Variants in SPTBN5 observed in about 807,000 individuals in gnomAD.
The protein encoded by SPTBN5 is spectrin beta, non-erythrocytic 5, also known as spectrin beta chain, non-erythrocytic 5.
In SPTBN5, 513 loss-of-function variants were observed where a neutral mutation model predicts 477.6. The ratio of observed to expected loss-of-function variants is 1.07; its 90% CI spans 1.00 to 1.16. The LOEUF is 1.16. SPTBN5 is among the 50% of genes most tolerant of loss of function. The pLI, the probability that SPTBN5 is intolerant of heterozygous loss-of-function variation, is 0.00. For missense variants in SPTBN5, 5,062 were observed against 4,731.8 expected, an observed-to-expected ratio of 1.07 and a Z score of -2.05; for synonymous variants, 2,169 against 2,011.7, an observed-to-expected ratio of 1.08 and a Z score of -2.09.
In SPTBN5 at chr15:41,851,133, G is replaced by C. The variant is rs758056132; in HGVS notation, c.10761C>G (p.Ala3587=). The C allele has an allele frequency of 6.2e-7, 1 of 1,613,206 alleles. No homozygotes were observed. Among genetic ancestry groups the C allele is most frequent in the Non-Finnish European group, 8.5e-7 (1 of 1,179,788 alleles). The change falls in exon 65 of 68, where the codon GCC becomes GCG. Residue 3587 remains alanine (A), a synonymous_variant. Coordinates refer to ENST00000320955, the MANE Select transcript of SPTBN5 (RefSeq NM_016642.4). Reference sequence around the variant, plus strand: ...ACCGGGCTCCCGTGAGGTCAAGGAGGGCTATGGAAGCTACTTTCTGAGGAG... The same window carrying C: ...ACCGGGCTCCCGTGAGGTCAAGGAGCGCTATGGAAGCTACTTTCTGAGGAG... ...RMAAEKVASI[A]LLDLTGARCE...
intron 67 of SPTBN5, among the ~76,000 whole-genome samples, chr15:41,848,968 A>AAATC (rs1306336674): frequency 1.3e-5 from 2 of 152,098 alleles, no homozygotes; most frequent in African/African-American, 2.4e-5. Context: ...CACATCATCT[A>AAATC]AATCATATAT....
chr15:41,873,486 T>C lies in SPTBN5; in HGVS notation c.5007+6A>G, dbSNP rs1449154460. ...CACACTGCAGGGGAGGCTCAGGACG[T>C]GGTACCTGGTGCTTGTTAATGAGCC... On this transcript the variant is annotated splice_donor_region_variant and intron_variant, in intron 26 of 67. Coordinates refer to ENST00000320955, the MANE Select transcript of SPTBN5 (RefSeq NM_016642.4). 5 of 1,547,890 alleles carry C rather than the reference T, an allele frequency of 3.2e-6. No individual in the cohort carries two copies. The highest frequency in any genetic ancestry group is 1.4e-5 in the African/African-American group (1 of 72,940).
Position 41,853,600 on chromosome 15 carries a change from C to T in SPTBN5, c.9962G>A (p.Gly3321Glu). ...AQAAQGHAFL[G>E]RCQELLAWAQ... The stretch of plus-strand genomic sequence containing the variant: ...CACCTACAGCAGTTCCTGGCAGCGC[C>T]CGAGGAAGGCATGGCCCTGTGCAGC... The change falls in exon 58 of 68, where the codon GGG (glycine) becomes GAG (glutamate). Residue 3321 changes from glycine (G) to glutamate (E), a missense_variant. By Grantham distance (98) the Gly-to-Glu change is moderately conservative (BLOSUM62 -2). Transcript: ENST00000320955. 6.3e-7 allele frequency: 1 copy of T among 1,578,056 alleles called. No homozygotes were observed. The highest frequency in any genetic ancestry group is 8.6e-7 in the Non-Finnish European group (1 of 1,159,564).
chr15:41,853,695 C>CA lies in SPTBN5; in HGVS notation c.9866dup (p.Ala3290GlyfsTer55), dbSNP rs2065848075. 6.2e-7 allele frequency: 1 copy of CA among 1,600,560 alleles called. No individual in the cohort carries two copies. Among genetic ancestry groups the CA allele is most frequent in the Admixed American group, 1.7e-5 (1 of 58,824 alleles). On this transcript the variant is annotated frameshift_variant, in exon 58 of 68. Transcript: ENST00000320955. LOFTEE classifies it high-confidence loss of function. Reference sequence around the variant, plus strand: ...TGGCCCAGGCCTCCTGCACCTTGGCCAGGCCCCCCGGAGCTGCAGGATGTA... The same window carrying CA: ...TGGCCCAGGCCTCCTGCACCTTGGCCAAGGCCCCCCGGAGCTGCAGGATGTA...
At position 41,883,455 on chromosome 15, in the gene SPTBN5, GC is replaced by G; in HGVS notation, c.1551del (p.Arg517SerfsTer20). The G allele has an allele frequency of 6.2e-7, 1 of 1,613,928 alleles. No individual in the cohort carries two copies. The highest frequency in any genetic ancestry group is 8.5e-7 in the Non-Finnish European group (1 of 1,179,864). ...RQEEVTVRWQ[R>X]LLQHLQGQRK... is the part of the protein sequence containing the mutation. ...CTCTGTCCCTGTAGATGCTGAAGGA[GC>G]CTCTGCCAGCGCACGGTAACTTCCT... On this transcript the variant is annotated frameshift_variant, in exon 8 of 68. Transcript: ENST00000320955. LOFTEE classifies it high-confidence loss of function.
At position 41,852,861 on chromosome 15, in the gene SPTBN5, G is replaced by A. The variant is rs1270290421; in HGVS notation, c.10310C>T (p.Ala3437Val). ...CTTCAGCAGGAGTCCCTCCCAGCAG[G>A]CCAGCCAGGCCTCAGCCTGCTCCAG... The part of the protein sequence containing the change: ...QRLEQAEAWL[A>V]CWEGLLLKPD... Residue 3437 changes from alanine to valine, a missense_variant, in exon 60 of 68, where the codon GCC (alanine) becomes GTC (valine). By Grantham distance (64) the Ala-to-Val change is moderately conservative. Coordinates refer to ENST00000320955, the MANE Select transcript of SPTBN5 (RefSeq NM_016642.4). 6.2e-7 allele frequency: 1 copy of A among 1,607,446 alleles called. No homozygotes were observed. The highest frequency in any genetic ancestry group is 8.5e-7 in the Non-Finnish European group (1 of 1,176,202).
chr15:41,880,458 G>A, intron 13 of SPTBN5, 146 bp from the exon 14 acceptor site: 1 of 851,466 alleles, frequency 1.2e-6, no homozygotes, highest in Non-Finnish European at 1.8e-6. Flanking sequence ...TCACTGCTGG[G>A]CCCCACATCC....
chr15:41,867,794 T>G (rs1456829666), intron 34 of SPTBN5, among the ~76,000 whole-genome samples, 152 bp from the exon 35 acceptor site: 3 of 152,150 alleles, frequency 2.0e-5, no homozygotes, highest in Admixed American at 6.5e-5. Flanking sequence ...GAGTCCAGGT[T>G]GGGAGGCTGC....
Position 41,863,963 on chromosome 15 carries a change from C to T in SPTBN5, c.6980G>A (p.Arg2327Gln), listed in dbSNP as rs774143270. Reference sequence around the variant, plus strand: ...GATGATCTTGACTTCCTCAGGGTCCCGGTTCTTGAGCTGCAGTGACAAGTC... The same window carrying T: ...GATGATCTTGACTTCCTCAGGGTCCTGGTTCTTGAGCTGCAGTGACAAGTC... ...ISDLSLQLKN[R>Q]DPEEVKIICQ... Residue 2327 changes from arginine (R) to glutamine (Q), a missense_variant, in exon 40 of 68, where the codon CGG becomes CAG. Coordinates refer to ENST00000320955, the MANE Select transcript of SPTBN5 (RefSeq NM_016642.4). 57 of 1,613,720 alleles carry T rather than the reference C, an allele frequency of 3.5e-5. No homozygotes were observed. The Admixed American group carries it at 7.3e-4, about 21-fold the overall frequency.
chr15:41,850,788 A>AGGGGCCCAGGAGCTT (rs1469476324), intron 66 of SPTBN5, 66 bp downstream of exon 66: 37 of 1,378,098 alleles, frequency 2.7e-5, no homozygotes, highest in East Asian at 1.3e-4. Flanking sequence ...ATAAAACACT[A>AGGGGCCCAGGAGCTT]GGGGCCCAGG....
chr15:41,870,815 A>G (rs865776202), intron 29 of SPTBN5, among the ~76,000 whole-genome samples: 4 of 151,874 alleles, frequency 2.6e-5, no homozygotes, highest in African/African-American at 9.7e-5. Context: ...GTGCTGTGAT[A>G]CTCTTTACAT....
In SPTBN5 at chr15:41,853,312, G is replaced by A. The variant is rs745723002; in HGVS notation, c.10116C>T (p.Asp3372=). Residue 3372 remains aspartate (D), a synonymous_variant, in exon 59 of 68, where the codon GAC becomes GAT. Coordinates refer to ENST00000320955, the MANE Select transcript of SPTBN5 (RefSeq NM_016642.4). ...EIRECRLQAQ[D]LRQEGQQLVD... ...CCAGCTGCTGTCCTTCCTGCCGCAG[G>A]TCCTGGGCTTGAAGGCGGCACTCCC... The A allele has an allele frequency of 6.1e-5, 98 of 1,612,638 alleles. No homozygotes were observed. Among genetic ancestry groups the A allele is most frequent in the Non-Finnish European group, 7.6e-5 (90 of 1,179,408 alleles).
intron 56 of SPTBN5, 24 bp from the exon 57 acceptor site, chr15:41,854,229 T>C: frequency 6.3e-7 from 1 of 1,578,452 alleles, no homozygotes; most frequent in South Asian, 1.2e-5. Flanking sequence ...AAGGACCTGC[T>C]CAGGGCTGTT....
intron 7 of SPTBN5, among the ~76,000 whole-genome samples, chr15:41,884,672 C>T (rs2067089511): frequency 6.6e-6 from 1 of 152,134 alleles, no homozygotes; most frequent in African/African-American, 2.4e-5. Context: ...TCCAGCCCTC[C>T]ACTGATTTCC....
intron 13 of SPTBN5, among the ~76,000 whole-genome samples, chr15:41,880,632 C>A (rs887149949): frequency 6.6e-6 from 1 of 152,154 alleles, no homozygotes; most frequent in Non-Finnish European, 1.5e-5. Context: ...GCCTGCTCCA[C>A]CCCCACCTGC....
rs552517396 is a variant in SPTBN5 at position 41,866,429 on chromosome 15, C to T, written c.6545G>A (p.Arg2182Lys). 6.2e-6 allele frequency: 10 copies of T among 1,611,098 alleles called. No individual in the cohort carries two copies. The South Asian group carries it at 1.1e-4, about 18-fold the overall frequency. ...TTTCAGCAGGGGCTTCAGCTTATCT[C>T]TCAGGTCCCCAGGAGGGACCGGCTC... is the stretch of plus-strand genomic sequence containing the variant. ...LKEPVPPGDLRDKLKPLLKHQ... is the reference protein window; with the variant it reads ...LKEPVPPGDLKDKLKPLLKHQ... Residue 2182 changes from arginine to lysine, a missense_variant, in exon 37 of 68, where the codon AGA (arginine) becomes AAA (lysine). By Grantham distance (26) the Arg-to-Lys change is conservative. Coordinates refer to ENST00000320955, the MANE Select transcript of SPTBN5 (RefSeq NM_016642.4).
At position 41,860,641 on chromosome 15, in the gene SPTBN5, C is replaced by T. The variant is rs751931110; in HGVS notation, c.7933G>A (p.Gly2645Ser). 1.3e-6 allele frequency: 2 copies of T among 1,542,724 alleles called. No individual in the cohort carries two copies. Among genetic ancestry groups the T allele is most frequent in the South Asian group, 1.2e-5 (1 of 81,548 alleles). Reference sequence around the variant, plus strand: ...GCACTCTGGGCCTCGGGGTGCCCACCCTGGTGCAGGCCGCGGGCCGTGGCC... The same window carrying T: ...GCACTCTGGGCCTCGGGGTGCCCACTCTGGTGCAGGCCGCGGGCCGTGGCC... Reference protein sequence around the residue: ...LEATARGLHQGGHPEAQSALG... With the variant: ...LEATARGLHQSGHPEAQSALG... The change falls in exon 47 of 68, where the codon GGT becomes AGT. Residue 2645 changes from glycine (G) to serine (S), a missense_variant. Physicochemically the swap from Gly to Ser is moderately conservative, Grantham distance 56. Transcript: ENST00000320955.
chr15:41,862,362 C>T, intron 43 of SPTBN5, 70 bp from the exon 44 acceptor site: 1 of 1,537,366 alleles, frequency 6.5e-7, no homozygotes, highest in Non-Finnish European at 8.8e-7. Flanking sequence ...CTGGTGTCTT[C>T]TGTCCCTTAA....
intron 27 of SPTBN5, 72 bp from the exon 28 acceptor site, chr15:41,871,989 G>A (rs1242028529): frequency 4.2e-6 from 6 of 1,445,014 alleles, no homozygotes; most frequent in South Asian, 1.5e-5. Context: ...GCCAGCCAGA[G>A]GGGCCAATCT....
Sources: gnomAD v4.1 joint callset for allele counts (sites outside exome capture counted in the v4.1 genomes callset) on GRCh38, gnomAD v4.1.1 for gene constraint, MANE v1.5 for transcripts, NCBI Gene and HGNC (gene_info 2026-07-23, HGNC 2026-07-21) for gene names.